The following MACROD2 variants were observed in gnomAD, a reference collection of about 807,000 sequenced individuals.
MACROD2 encodes the protein mono-ADP ribosylhydrolase 2.
In MACROD2, 36 loss-of-function variants were observed where a neutral mutation model predicts 70.4. The ratio of observed to expected loss-of-function variants is 0.51; its 90% CI spans 0.39 to 0.68. The LOEUF is 0.68. Among genes scored for constraint, MACROD2 ranks in the 30% least tolerant of loss-of-function variants. The pLI is 0.00. For synonymous variants in MACROD2, 172 were observed against 178.8 expected (o/e 0.96, Z 0.30); for missense variants, 496 against 538.4 (o/e 0.92, Z 0.78).
At chr20:14,282,823 C>A (rs553890039) in intron 3 of MACROD2, among the ~76,000 whole-genome samples, 2 of 152,254 alleles carry the variant, frequency 1.3e-5, no homozygotes, top group African/African-American at 4.8e-5. Flanking sequence ...TGAGAACTCA[C>A]AATCACAAAG....
chr20:15,236,068 A>T (rs1250204194), intron 6 of MACROD2, among the ~76,000 whole-genome samples: 2 of 152,102 alleles, frequency 1.3e-5, no homozygotes, highest in African/African-American at 4.8e-5. Context: ...TTTGTGCATC[A>T]CTCTACAGTT....
chr20:15,289,785 T>C (rs1351898658), intron 6 of MACROD2, among the ~76,000 whole-genome samples: 1 of 152,244 alleles, frequency 6.6e-6, no homozygotes, highest in East Asian at 1.9e-4. Context: ...CAGAGGACTT[T>C]CTGGCTCACT....
chr20:14,979,256 A>G (rs543955495), intron 5 of MACROD2, among the ~76,000 whole-genome samples: 1 of 152,068 alleles, frequency 6.6e-6, no homozygotes, highest in East Asian at 1.9e-4. Flanking sequence ...GCCTGAGCCC[A>G]GCTGTGATTT....
intron 8 of MACROD2, among the ~76,000 whole-genome samples, chr20:15,525,904 T>C (rs11906249): frequency 0.15 from 23,163 of 152,216 alleles, 1,886 homozygotes; most frequent in South Asian, 0.26. Flanking sequence ...ATCTACTGGC[T>C]GCCATGGCTG....
chr20:15,555,848 AAAAAAAGG>A (rs2048161789), intron 8 of MACROD2, among the ~76,000 whole-genome samples: 1 of 147,026 alleles, frequency 6.8e-6, no homozygotes, highest in African/African-American at 2.6e-5. Flanking sequence ...AAAAAAAAAA[AAAAAAAGG>A]AAAAGAAAAG....
At chr20:13,998,911 C>T (rs942406193) in intron 1 of MACROD2, among the ~76,000 whole-genome samples, 55 of 149,570 alleles carry the variant, frequency 3.7e-4, no homozygotes, top group Non-Finnish European at 2.5e-4. Context: ...GCTAAGATCG[C>T]GCCACTGCAC....
At chr20:15,791,556 T>G (rs2063625117) in intron 8 of MACROD2, among the ~76,000 whole-genome samples, 1 of 152,010 alleles carries the variant, frequency 6.6e-6, no homozygotes, top group Non-Finnish European at 1.5e-5. Flanking sequence ...ATGTATAATT[T>G]TTAAGAATTC....
At chr20:14,580,728 A>T (rs2123346131) in intron 4 of MACROD2, among the ~76,000 whole-genome samples, 1 of 152,346 alleles carries the variant, frequency 6.6e-6, no homozygotes, top group East Asian at 1.9e-4. Context: ...TTTCTACCAA[A>T]GAAAGGAAGC....
chr20:14,535,448 T>G (rs898470626), intron 4 of MACROD2, among the ~76,000 whole-genome samples: 9 of 134,724 alleles, frequency 6.7e-5, no homozygotes, highest in Non-Finnish European at 1.2e-4. Context: ...GAGGTTGCAG[T>G]GAGCCGAGAT....
intron 3 of MACROD2, among the ~76,000 whole-genome samples, chr20:14,344,107 A>G: frequency 6.6e-6 from 1 of 152,182 alleles, no homozygotes; most frequent in East Asian, 1.9e-4. Context: ...GGGTACATTA[A>G]CATGCTTAAT....
At chr20:14,126,382 GC>G (rs1322987626) in intron 3 of MACROD2, among the ~76,000 whole-genome samples, 15 of 152,248 alleles carry the variant, frequency 9.9e-5, no homozygotes, top group Non-Finnish European at 2.9e-5. Context: ...ATCTTTAAAA[GC>G]CCTATACAAA....
At chr20:14,571,809 T>C (rs1465804884) in intron 4 of MACROD2, among the ~76,000 whole-genome samples, 1 of 152,078 alleles carries the variant, frequency 6.6e-6, no homozygotes, top group Non-Finnish European at 1.5e-5. Context: ...CACGGGCTAG[T>C]TCTACAATTA....
chr20:14,684,740 A>ATTT, intron 4 of MACROD2, 103 bp from the exon 5 acceptor site: 1 of 851,040 alleles, frequency 1.2e-6, no homozygotes, highest in Non-Finnish European at 1.9e-6. Context: ...GGCTATGGTT[A>ATTT]TTTACAGGAA....
intron 3 of MACROD2, among the ~76,000 whole-genome samples, chr20:14,093,520 A>G (rs1222610264): frequency 2.6e-5 from 4 of 152,164 alleles, no homozygotes; most frequent in African/African-American, 4.8e-5. Flanking sequence ...AAAATTCAGT[A>G]TTTACTATGA....
chr20:15,138,033 G>A (rs547956225), intron 5 of MACROD2, among the ~76,000 whole-genome samples: 128 of 152,078 alleles, frequency 8.4e-4, no homozygotes, highest in African/African-American at 2.9e-3. Context: ...AATCAATATT[G>A]ACTGACAATA....
At chr20:14,079,618 A>G (rs891703797) in intron 2 of MACROD2, among the ~76,000 whole-genome samples, 3 of 152,198 alleles carry the variant, frequency 2.0e-5, no homozygotes, top group Non-Finnish European at 4.4e-5. Flanking sequence ...TCTCAATGGC[A>G]ATACAATTAT....
chr20:14,795,450 C>T (rs763922098), intron 5 of MACROD2, among the ~76,000 whole-genome samples: 1 of 151,880 alleles, frequency 6.6e-6, no homozygotes, highest in Non-Finnish European at 1.5e-5. Flanking sequence ...AAAGGATTTA[C>T]GAATGCTTCC....
chr20:14,948,697 T>C (rs2074452358), intron 5 of MACROD2, among the ~76,000 whole-genome samples: 1 of 151,960 alleles, frequency 6.6e-6, no homozygotes, highest in Non-Finnish European at 1.5e-5. Flanking sequence ...AGAGAATCAG[T>C]GGTGGGGCAG....
intron 5 of MACROD2, among the ~76,000 whole-genome samples, chr20:15,015,383 A>G (rs2075113141): frequency 6.6e-6 from 1 of 152,108 alleles, no homozygotes; most frequent in African/African-American, 2.4e-5. Flanking sequence ...ATCTAAAGTT[A>G]TTAATGCTTA....
Sources: gnomAD v4.1 joint callset for allele counts (sites outside exome capture counted in the v4.1 genomes callset) on GRCh38, gnomAD v4.1.1 for gene constraint, MANE v1.5 for transcripts, NCBI Gene and HGNC (gene_info 2026-07-23, HGNC 2026-07-21) for gene names.